The following USP24 variants were observed in gnomAD, a reference collection of about 807,000 sequenced individuals.
USP24 encodes the protein ubiquitin carboxyl-terminal hydrolase 24.
In USP24, 97 loss-of-function variants were observed where a neutral mutation model predicts 361.6. The ratio of observed to expected loss-of-function variants is 0.27; its 90% CI spans 0.23 to 0.32. The LOEUF (loss-of-function observed/expected upper bound fraction) is 0.32. USP24 is among the 10% of genes least tolerant of loss of function. The pLI, the probability that USP24 is intolerant of heterozygous loss-of-function variation, is 1.00. For synonymous variants in USP24, 1,098 were observed against 1,124.6 expected, an observed-to-expected ratio of 0.98 and a Z score of 0.47; for missense variants, 2,353 against 3,165.6, an observed-to-expected ratio of 0.74 and a Z score of 6.16.
At chr1:55,127,547 T>C (rs1167483124) in intron 32 of USP24, among the ~76,000 whole-genome samples, 2 of 152,208 alleles carry the variant, frequency 1.3e-5, no homozygotes, top group African/African-American at 4.8e-5. Flanking sequence ...TGTGTCTTTA[T>C]AGCAGCATGA....
At chr1:55,073,748 G>T (rs1437642706) in intron 64 of USP24, 80 bp downstream of exon 64, 6 of 1,329,172 alleles carry the variant, frequency 4.5e-6, no homozygotes, top group Non-Finnish European at 4.2e-6. Flanking sequence ...TATCAAAACC[G>T]GGCACATGTT....
chr1:55,087,549 G>T (rs1383303860), intron 55 of USP24, among the ~76,000 whole-genome samples: 1 of 152,176 alleles, frequency 6.6e-6, no homozygotes, highest in East Asian at 1.9e-4. Context: ...TAGAAAAATG[G>T]TTATCTCTAA....
rs186359087 is a variant in USP24, at chr1:55,174,429, G to A, written c.559-1909C>T. Among the ~76,000 whole-genome samples the A allele has an allele frequency of 7.9e-5, 12 of 152,298 alleles. 1 individual carries two copies. The highest frequency in any genetic ancestry group is 2.1e-4 in the South Asian group (1 of 4,824). On this transcript the variant is annotated intron_variant, in intron 3 of 67. Transcript: ENST00000294383. Reference sequence around the variant, plus strand: ...GGAGAACCTTTTTAATAGCTCTAAAGTGCAAAAGAATTTAATATTTTTACT... The same window carrying A: ...GGAGAACCTTTTTAATAGCTCTAAAATGCAAAAGAATTTAATATTTTTACT...
chr1:55,185,323 C>A (rs988627129), intron 1 of USP24, among the ~76,000 whole-genome samples: 2 of 151,702 alleles, frequency 1.3e-5, no homozygotes, highest in African/African-American at 4.8e-5. Flanking sequence ...AACAACATAA[C>A]CTCCCACTTT....
chr1:55,145,530 T>C (rs1647004831), intron 20 of USP24, among the ~76,000 whole-genome samples: 1 of 152,188 alleles, frequency 6.6e-6, no homozygotes, highest in Non-Finnish European at 1.5e-5. Flanking sequence ...TTAATGGGTA[T>C]AGGTTTATTT....
In USP24 at chr1:55,071,233, C is replaced by T. The variant is rs557837573; in HGVS notation, c.7800+581G>A. 32 of 987,770 alleles carry T rather than the reference C, an allele frequency of 3.2e-5. No homozygotes were observed. In the South Asian group the frequency reaches 1.4e-3, roughly 42 times the overall value. The allele number at this position is 987,770 out of a possible 1,614,324, so 61.2% of individuals were successfully genotyped here. On this transcript the variant is annotated intron_variant, in intron 67 of 67. Coordinates refer to ENST00000294383, the MANE Select transcript of USP24 (RefSeq NM_015306.3). The stretch of plus-strand genomic sequence containing the variant: ...GACTGCTGTTAAGGAAAGTTACAGA[C>T]TATTGGAAAGACGTAATGATTAACT...
chr1:55,111,533 A>G (rs1422299387), intron 38 of USP24, among the ~76,000 whole-genome samples: 1 of 152,152 alleles, frequency 6.6e-6, no homozygotes, highest in Non-Finnish European at 1.5e-5. Context: ...GTTTAGAAAA[A>G]TTTTAACTAG....
intron 1 of USP24, among the ~76,000 whole-genome samples, chr1:55,183,730 ATATAT>A (rs1644043065): frequency 6.6e-6 from 1 of 152,204 alleles, no homozygotes; most frequent in Non-Finnish European, 1.5e-5. Context: ...AATTTTTAAA[ATATAT>A]TATACAACCA....
intron 26 of USP24, 146 bp from the exon 27 acceptor site, chr1:55,138,050 G>A (rs1321676750): frequency 1.5e-5 from 11 of 726,266 alleles, no homozygotes; most frequent in Non-Finnish European, 2.0e-5. Context: ...CCCTGCCCTC[G>A]TGAGGCTTCC....
intron 28 of USP24, among the ~76,000 whole-genome samples, chr1:55,135,149 T>C (rs557349781): frequency 4.6e-5 from 7 of 152,240 alleles, no homozygotes; most frequent in Admixed American, 3.3e-4. Flanking sequence ...ATATATGAAA[T>C]ATAATTTTTA....
intron 56 of USP24, chr1:55,084,386 AACTT>A (rs1645209425): frequency 6.6e-6 from 1 of 152,624 alleles, no homozygotes; most frequent in Non-Finnish European, 1.5e-5. Flanking sequence ...CTCAGCCGTG[AACTT>A]ACTTGAGAGC....
chr1:55,082,743 C>T (rs1195844929), intron 58 of USP24, among the ~76,000 whole-genome samples: 3 of 152,172 alleles, frequency 2.0e-5, no homozygotes, highest in Non-Finnish European at 4.4e-5. Context: ...CCTGATTACA[C>T]CACTGTGCTC....
intron 1 of USP24, among the ~76,000 whole-genome samples, chr1:55,198,103 C>G (rs1452996560): frequency 6.6e-6 from 1 of 151,904 alleles, no homozygotes; most frequent in Non-Finnish European, 1.5e-5. Context: ...AGGAATAAAA[C>G]CCCACTGAAA....
At chr1:55,072,640 C>CA in intron 65 of USP24, 146 bp downstream of exon 65, 7 of 879,206 alleles carry the variant, frequency 8.0e-6, no homozygotes, top group Non-Finnish European at 1.2e-5. Flanking sequence ...TTAATGCACA[C>CA]AAGATATAAA....
chr1:55,103,226 ACC>A (rs1645684521), intron 42 of USP24, among the ~76,000 whole-genome samples: 1 of 152,076 alleles, frequency 6.6e-6, no homozygotes, highest in African/African-American at 2.4e-5. Flanking sequence ...ACCTTGCTTC[ACC>A]TGGTTCACTA....
intron 66 of USP24, 23 bp downstream of exon 66, chr1:55,072,294 C>T: frequency 6.2e-7 from 1 of 1,607,616 alleles, no homozygotes; most frequent in Admixed American, 1.7e-5. Flanking sequence ...TTAGACCACG[C>T]AAAAACAAGA....
rs529389595 is a variant in USP24 at position 55,172,160 on chromosome 1, C to G, written c.702+217G>C. 8.5e-5 allele frequency among the ~76,000 whole-genome samples: 13 copies of G among 152,224 alleles called. No homozygotes were observed. In the East Asian group the frequency reaches 2.5e-3, roughly 29 times the overall value. On this transcript the variant is annotated intron_variant, in intron 4 of 67. Coordinates refer to ENST00000294383, the MANE Select transcript of USP24 (RefSeq NM_015306.3). Reference sequence around the variant, plus strand: ...GGTAAGAGAAAGGCATTTAATCATTCCGTAAGTTGAAAAACCCATTAAAAT... The same window carrying G: ...GGTAAGAGAAAGGCATTTAATCATTGCGTAAGTTGAAAAACCCATTAAAAT...
At chr1:55,104,107 T>C in intron 41 of USP24, 87 bp from the exon 42 acceptor site, 1 of 1,456,200 alleles carries the variant, frequency 6.9e-7, no homozygotes. Context: ...GAAATGAAAG[T>C]AGAAGAGCTC....
At chr1:55,154,845 G>T in intron 12 of USP24, 67 bp from the exon 13 acceptor site, 1 of 1,223,544 alleles carries the variant, frequency 8.2e-7, no homozygotes, top group East Asian at 2.4e-5. Flanking sequence ...CTTCCCCCTG[G>T]CAACTTACAG....
Sources: gnomAD v4.1 joint callset for allele counts (sites outside exome capture counted in the v4.1 genomes callset) on GRCh38, gnomAD v4.1.1 for gene constraint, MANE v1.5 for transcripts, NCBI Gene and HGNC (gene_info 2026-07-23, HGNC 2026-07-21) for gene names.